The following HIVEP3 variants were observed in gnomAD, a reference collection of about 807,000 sequenced individuals.
The protein encoded by HIVEP3 is HIVEP zinc finger 3, also known as transcription factor HIVEP3.
In HIVEP3, 49 loss-of-function variants were observed where a neutral mutation model predicts 152.8. The observed-to-expected ratio is 0.32, with a 90% CI of 0.26 to 0.41. The LOEUF is 0.41. Ranked by LOEUF, HIVEP3 falls within the 10% of genes least tolerant of loss-of-function variation. The probability of loss-of-function intolerance (pLI) is 1.00; values close to 1 mark genes in which losing one functional copy is unlikely to be tolerated. For synonymous variants in HIVEP3, 1,269 were observed against 1,289.0 expected (o/e 0.98, Z 0.33); for missense variants, 2,790 against 3,103.3 (o/e 0.90, Z 2.40).
intron 5 of HIVEP3, among the ~76,000 whole-genome samples, chr1:41,564,366 G>T (rs1644129979): frequency 6.6e-6 from 1 of 152,182 alleles, no homozygotes. Context: ...AGCAGTTCCA[G>T]AGAGAGAGAA....
intron 1 of HIVEP3, among the ~76,000 whole-genome samples, chr1:41,722,449 TTTCC>T (rs1315344181): frequency 3.8e-5 from 2 of 52,190 alleles, no homozygotes; most frequent in South Asian, 5.4e-4. Context: ...TCCTTCCTTC[TTTCC>T]TTCCTTCCTT....
chr1:41,671,014 G>T (rs1032238348), intron 2 of HIVEP3, among the ~76,000 whole-genome samples: 1 of 152,168 alleles, frequency 6.6e-6, no homozygotes, highest in African/African-American at 2.4e-5. Flanking sequence ...AAGAAGAGGT[G>T]GGAAGAAATT....
chr1:41,673,553 A>G (rs1645908927), intron 2 of HIVEP3, among the ~76,000 whole-genome samples: 1 of 152,200 alleles, frequency 6.6e-6, no homozygotes, highest in South Asian at 2.1e-4. Flanking sequence ...TTACACACCC[A>G]GAGCTTCTCC....
At chr1:41,823,178 C>G (rs898609569) in intron 1 of HIVEP3, among the ~76,000 whole-genome samples, 5 of 152,198 alleles carry the variant, frequency 3.3e-5, no homozygotes, top group Non-Finnish European at 7.3e-5. Flanking sequence ...GAAGAGAGAC[C>G]TCATCAGAAC....
intron 1 of HIVEP3, among the ~76,000 whole-genome samples, chr1:41,786,246 C>T (rs963194278): frequency 1.3e-5 from 2 of 152,162 alleles, no homozygotes; most frequent in Admixed American, 6.5e-5. Context: ...GGCTTGTTGA[C>T]GATGACAGGA....
chr1:41,705,029 C>A (rs1346476284), intron 1 of HIVEP3, among the ~76,000 whole-genome samples: 2 of 152,230 alleles, frequency 1.3e-5, no homozygotes, highest in Non-Finnish European at 2.9e-5. Context: ...GACATCAAGT[C>A]CTTCTATGTG....
chr1:41,869,389 A>G (rs755787161), intron 1 of HIVEP3, among the ~76,000 whole-genome samples: 12 of 152,132 alleles, frequency 7.9e-5, no homozygotes, highest in Non-Finnish European at 1.2e-4. Flanking sequence ...CGGAAACCCC[A>G]CTCAGTGTGA....
intron 1 of HIVEP3, among the ~76,000 whole-genome samples, chr1:42,025,176 T>C (rs1645575232): frequency 1.3e-5 from 2 of 152,230 alleles, no homozygotes; most frequent in South Asian, 4.1e-4. Flanking sequence ...AGCTTCCATG[T>C]CTTTTAGCCT....
chr1:41,879,218 A>G (rs576406465), intron 1 of HIVEP3, among the ~76,000 whole-genome samples: 1 of 152,288 alleles, frequency 6.6e-6, no homozygotes, highest in Admixed American at 6.5e-5. Context: ...GGTGCCTGAC[A>G]TTATCTATCT....
chr1:41,915,746 A>T (rs1470796599), intron 1 of HIVEP3, among the ~76,000 whole-genome samples: 2 of 152,214 alleles, frequency 1.3e-5, no homozygotes, highest in Non-Finnish European at 2.9e-5. Flanking sequence ...AAGATAGTTC[A>T]GTGGTCTTGG....
intron 2 of HIVEP3, among the ~76,000 whole-genome samples, chr1:41,650,452 T>C (rs1322117869): frequency 6.6e-6 from 1 of 152,186 alleles, no homozygotes; most frequent in African/African-American, 2.4e-5. Flanking sequence ...TCAGGCACTG[T>C]GTTAAATATT....
intron 1 of HIVEP3, among the ~76,000 whole-genome samples, chr1:41,725,203 C>A (rs879743626): frequency 1.1e-4 from 16 of 152,196 alleles, no homozygotes; most frequent in Admixed American, 5.9e-4. Context: ...ACCTCTCATG[C>A]TGTGAATGGC....
At chr1:41,778,436 T>C (rs1177414648) in intron 1 of HIVEP3, among the ~76,000 whole-genome samples, 1 of 152,192 alleles carries the variant, frequency 6.6e-6, no homozygotes, top group Non-Finnish European at 1.5e-5. Context: ...CACGGGTCCC[T>C]GATAAGAGCA....
At chr1:41,528,931 C>T (rs550627552) in intron 5 of HIVEP3, among the ~76,000 whole-genome samples, 1 of 143,258 alleles carries the variant, frequency 7.0e-6, no homozygotes, top group African/African-American at 2.6e-5. Flanking sequence ...ACACCCCCGC[C>T]CTCACACTCA....
intron 1 of HIVEP3, among the ~76,000 whole-genome samples, chr1:41,987,339 C>G (rs115462991): frequency 1.5e-3 from 232 of 152,162 alleles, no homozygotes; most frequent in African/African-American, 4.9e-3. Context: ...CCTGCACATT[C>G]TGCACATGTA....
chr1:41,659,083 C>G (rs934047123), intron 2 of HIVEP3, among the ~76,000 whole-genome samples: 3 of 152,200 alleles, frequency 2.0e-5, no homozygotes, highest in East Asian at 1.9e-4. Context: ...GCAGTTACCC[C>G]CTCCAAAGGG....
In HIVEP3 at chr1:41,947,111, A is replaced by T. The variant is rs60068459; in HGVS notation, n.120-28587T>A. ...AAGATCCTTCAAACCCAACATCTCA[A>T]CTCACCTGGATTGTTTTACCCCAAG... is the stretch of plus-strand genomic sequence containing the variant. On this transcript the variant is annotated intron_variant and non_coding_transcript_variant, in intron 1 of 3. Coordinates refer to the HIVEP3 transcript ENST00000489103. Among the ~76,000 whole-genome samples the T allele has an allele frequency of 3.6e-3, 544 of 152,060 alleles. 1 individual carries two copies. Among genetic ancestry groups the T allele is most frequent in the African/African-American group, 0.013 (528 of 41,460 alleles).
intron 1 of HIVEP3, among the ~76,000 whole-genome samples, chr1:41,812,651 G>C (rs1266251055): frequency 6.6e-6 from 1 of 152,034 alleles, no homozygotes; most frequent in African/African-American, 2.4e-5. Flanking sequence ...TCCTGGGAAG[G>C]GAAATTAGCA....
At chr1:41,896,987 C>T (rs1179718793) in intron 1 of HIVEP3, among the ~76,000 whole-genome samples, 1 of 152,000 alleles carries the variant, frequency 6.6e-6, no homozygotes, top group African/African-American at 2.4e-5. Context: ...AGTCATGGAG[C>T]GCTCGTTAAA....
Sources: gnomAD v4.1 joint callset for allele counts (sites outside exome capture counted in the v4.1 genomes callset) on GRCh38, gnomAD v4.1.1 for gene constraint, MANE v1.5 for transcripts, NCBI Gene and HGNC (gene_info 2026-07-23, HGNC 2026-07-21) for gene names.